The following ZNF516 variants were observed in gnomAD, a reference collection of about 807,000 sequenced individuals.
The protein encoded by ZNF516 is zinc finger protein 516.
Under a neutral mutation model 79.7 loss-of-function variants are expected in ZNF516, and 19 were observed. The observed-to-expected ratio is 0.24, with a 90% CI of 0.17 to 0.35. The LOEUF (loss-of-function observed/expected upper bound fraction) is 0.35. ZNF516 is among the 10% of genes least tolerant of loss of function. ZNF516 has a pLI of 1.00. For missense variants in ZNF516, 1,678 were observed against 1,679.5 expected (o/e 1.00, Z 0.02); for synonymous variants, 877 against 739.5 (o/e 1.19, Z -3.02).
chr18:76,445,752 G>T (rs1446703968), intron 2 of ZNF516, among the ~76,000 whole-genome samples: 1 of 152,208 alleles, frequency 6.6e-6, no homozygotes, highest in South Asian at 2.1e-4. Context: ...CCAGAAGCCA[G>T]CTCCAGAGAC....
At chr18:76,474,177 C>T (rs1914045244) in intron 1 of ZNF516, among the ~76,000 whole-genome samples, 1 of 152,166 alleles carries the variant, frequency 6.6e-6, no homozygotes, top group East Asian at 1.9e-4. Flanking sequence ...TGGCAAATCT[C>T]TCGTAAGCAT....
intron 3 of ZNF516, among the ~76,000 whole-genome samples, chr18:76,390,870 G>A (rs1465646288): frequency 6.6e-6 from 1 of 152,168 alleles, no homozygotes; most frequent in African/African-American, 2.4e-5. Flanking sequence ...GTCTAGGGAG[G>A]GAAGGTCACC....
At chr18:76,440,767 C>CGT (rs1568293381) in intron 3 of ZNF516, among the ~76,000 whole-genome samples, 4 of 68,496 alleles carry the variant, frequency 5.8e-5, no homozygotes, top group South Asian at 4.1e-4. Context: ...TGTGTGCGCG[C>CGT]ACGCGCGCAT....
At chr18:76,401,142 C>T (rs1270975409) in intron 3 of ZNF516, among the ~76,000 whole-genome samples, 1 of 152,074 alleles carries the variant, frequency 6.6e-6, no homozygotes, top group Non-Finnish European at 1.5e-5. Context: ...TTATATCCTA[C>T]TGCTCAAGGT....
chr18:76,452,080 G>C (rs751278136), intron 2 of ZNF516, among the ~76,000 whole-genome samples: 1 of 152,076 alleles, frequency 6.6e-6, no homozygotes, highest in Non-Finnish European at 1.5e-5. Flanking sequence ...AATAAAAGGC[G>C]ACCAGAATCG....
chr18:76,408,818 G>A (rs1242311298), intron 3 of ZNF516, among the ~76,000 whole-genome samples: 1 of 152,194 alleles, frequency 6.6e-6, no homozygotes, highest in Non-Finnish European at 1.5e-5. Flanking sequence ...ATTTTCCTAT[G>A]AAATACTTAG....
intron 1 of ZNF516, among the ~76,000 whole-genome samples, chr18:76,491,260 G>A (rs1390276923): frequency 1.3e-5 from 1 of 76,586 alleles, no homozygotes; most frequent in Admixed American, 1.6e-4. Flanking sequence ...GTTCCGGACC[G>A]GACCCGCCCC....
Position 76,441,358 on chromosome 18 carries a change from G to A in ZNF516, c.1697C>T (p.Ser566Phe). The A allele has an allele frequency of 1.2e-6, 2 of 1,611,492 alleles. No individual in the cohort carries two copies. Among genetic ancestry groups the A allele is most frequent in the Non-Finnish European group, 8.5e-7 (1 of 1,179,404 alleles). Residue 566 changes from serine to phenylalanine, a missense_variant, in exon 3 of 7, where the codon TCC (serine) becomes TTC (phenylalanine). Physicochemically the swap from Ser to Phe is radical, Grantham distance 155. Coordinates refer to ENST00000443185, the MANE Select transcript of ZNF516 (RefSeq NM_014643.4). Reference sequence around the variant, plus strand: ...GGCGGAGCCAGGGCTGCTGGGCTGGGAGGCCGAGTCACCCTCACTGAGTGA... The same window carrying A: ...GGCGGAGCCAGGGCTGCTGGGCTGGAAGGCCGAGTCACCCTCACTGAGTGA... ...CGSLSEGDSA[S>F]QPSSPGSACA...
At chr18:76,418,324 C>G (rs1568274937) in intron 3 of ZNF516, among the ~76,000 whole-genome samples, 1 of 152,102 alleles carries the variant, frequency 6.6e-6, no homozygotes, top group Non-Finnish European at 1.5e-5. Context: ...CTGTAACACA[C>G]TAACACACTA....
In ZNF516 at chr18:76,379,279, G is replaced by C. The variant is rs621265; in HGVS notation, c.2835C>G (p.Ala945=). The C allele has an allele frequency of 0.037, 60,422 of 1,611,620 alleles. 3,783 individuals carry two copies. The highest frequency in any genetic ancestry group is 0.29 in the African/African-American group (21,470 of 74,942). The change falls in exon 4 of 7, where the codon GCC becomes GCG. Residue 945 remains alanine, a synonymous_variant. Transcript: ENST00000443185. ...CAAACTTCTCCACAGGCTTGCTATTGGCCGAGGGCTGCGCGCCAGCCCGGG... is the reference window on the plus strand; with the variant it reads ...CAAACTTCTCCACAGGCTTGCTATTCGCCGAGGGCTGCGCGCCAGCCCGGG... The part of the protein sequence containing the change: ...VIARAGAQPS[A]NSKPVEKFGV...
upstream of ZNF516, chr18:76,495,769 C>A: frequency 3.5e-6 from 4 of 1,145,718 alleles, no homozygotes; most frequent in South Asian, 1.6e-5. Context: ...AATGGGGACA[C>A]CCCTTCGGGG....
Position 76,362,034 on chromosome 18 carries a change from G to A in ZNF516, c.*464C>T, listed in dbSNP as rs2144860567. On this transcript the variant is annotated 3_prime_UTR_variant, in exon 7 of 7. Coordinates refer to ENST00000443185, the MANE Select transcript of ZNF516 (RefSeq NM_014643.4). ...ATCAACCTCAAATCCACCACGTCTT[G>A]TTCTGACATCATCCCCACAGTCCCT... 6.5e-6 allele frequency: 1 copy of A among 155,032 alleles called. No homozygotes were observed. The highest frequency in any genetic ancestry group is 1.9e-4 in the East Asian group (1 of 5,278). The allele number at this position is 155,032 out of a possible 1,614,324, so 9.6% of individuals were successfully genotyped here.
intron 4 of ZNF516, among the ~76,000 whole-genome samples, chr18:76,376,139 G>A (rs1372592990): frequency 1.3e-5 from 2 of 152,226 alleles, no homozygotes; most frequent in African/African-American, 4.8e-5. Flanking sequence ...TGTTCTGACA[G>A]CTTCAACACA....
rs1911739945 is a variant in ZNF516, at chr18:76,442,417, T to C, written c.638A>G (p.Glu213Gly). Reference protein sequence around the residue: ...RLCSYATLREESLLSHIERDH... With the variant: ...RLCSYATLREGSLLSHIERDH... ...CCTCTCGATGTGGCTCAGCAGCGAC[T>C]CCTCCCGCAGCGTCGCGTAGCTGCA... Residue 213 changes from glutamate to glycine, a missense_variant, in exon 3 of 7, where the codon GAG becomes GGG. By Grantham distance (98) the Glu-to-Gly change is moderately conservative. This residue lies in a region of ZNF516 where 279 missense variants were observed against 254.1 expected (regional missense o/e 1.10). Coordinates refer to ENST00000443185, the MANE Select transcript of ZNF516 (RefSeq NM_014643.4). 6.2e-7 allele frequency: 1 copy of C among 1,607,310 alleles called. No homozygotes were observed. Among genetic ancestry groups the C allele is most frequent in the African/African-American group, 1.3e-5 (1 of 74,918 alleles).
At chr18:76,488,111 G>A in intron 1 of ZNF516, 1 of 984,502 alleles carries the variant, frequency 1.0e-6, no homozygotes, top group Non-Finnish European at 1.2e-6. Flanking sequence ...CATACACGGG[G>A]AGATGTATTC....
chr18:76,405,115 G>A lies in ZNF516; in HGVS notation c.1811-24812C>T, dbSNP rs539726968. On this transcript the variant is annotated intron_variant, in intron 3 of 6. Transcript: ENST00000443185. Reference sequence around the variant, plus strand: ...TCAGCACCTGATGAACCAGCCTCCCGAGGCCAAGATAAGGACACACCCTGG... The same window carrying A: ...TCAGCACCTGATGAACCAGCCTCCCAAGGCCAAGATAAGGACACACCCTGG... 1.2e-4 allele frequency among the ~76,000 whole-genome samples: 18 copies of A among 152,244 alleles called. No homozygotes were observed. In the South Asian group the frequency reaches 2.1e-3, roughly 18 times the overall value.
intron 3 of ZNF516, among the ~76,000 whole-genome samples, chr18:76,390,423 C>T (rs1248976525): frequency 6.6e-6 from 1 of 152,202 alleles, no homozygotes; most frequent in Non-Finnish European, 1.5e-5. Flanking sequence ...GCCCAACACA[C>T]ACACCTGTTG....
At chr18:76,371,932 G>A (rs111895876) in intron 4 of ZNF516, among the ~76,000 whole-genome samples, 19 of 152,334 alleles carry the variant, frequency 1.2e-4, no homozygotes, top group East Asian at 3.9e-4. Context: ...GAGTGACACC[G>A]GCGTGACAGA....
chr18:76,410,353 C>T (rs1425497497), intron 3 of ZNF516, among the ~76,000 whole-genome samples: 2 of 152,216 alleles, frequency 1.3e-5, no homozygotes, highest in Admixed American at 6.5e-5. Flanking sequence ...TCTCTGGCTT[C>T]CAAGGTCTCA....
Sources: gnomAD v4.1 joint callset for allele counts (sites outside exome capture counted in the v4.1 genomes callset) on GRCh38, gnomAD v4.1.1 for gene constraint, gnomAD v4.1.1 regional missense constraint, MANE v1.5 for transcripts, NCBI Gene and HGNC (gene_info 2026-07-23, HGNC 2026-07-21) for gene names.